Variants in TRPV3 observed in about 807,000 individuals in gnomAD.
The protein encoded by TRPV3 is transient receptor potential cation channel subfamily V member 3.
In TRPV3, 88 loss-of-function variants were observed where a neutral mutation model predicts 87.1. The ratio of observed to expected loss-of-function variants is 1.01; its 90% confidence interval spans 0.85 to 1.21. TRPV3 has a LOEUF of 1.21. Ranked by LOEUF, TRPV3 falls within the 50% of genes most tolerant of loss-of-function variation. The pLI is 0.00. For missense variants in TRPV3, 1,054 were observed against 1,030.1 expected, an observed-to-expected ratio of 1.02 and a Z score of -0.32; for synonymous variants, 438 against 423.3, an observed-to-expected ratio of 1.03 and a Z score of -0.43.
chr17:3,528,044 A>G lies in TRPV3; in HGVS notation c.1484T>C (p.Met495Thr). 2 of 1,613,702 alleles carry G rather than the reference A, an allele frequency of 1.2e-6. No homozygotes were observed. The highest frequency in any genetic ancestry group is 1.7e-6 in the Non-Finnish European group (2 of 1,179,934). Residue 495 changes from methionine (M) to threonine (T), a missense_variant, in exon 11 of 18, where the codon ATG (methionine) becomes ACG (threonine). Physicochemically the swap from Met to Thr is moderately conservative, Grantham distance 81. Coordinates refer to ENST00000576742, the MANE Select transcript of TRPV3 (RefSeq NM_145068.4). This position sits in a 1 kb window ranked among gnomAD's most constrained non-coding sequence, Gnocchi z 4.2. ...ACTTACCTCTTTCACAGAGATGCAC[A>G]TGGCCCAGATGAGCACAAACATCCT... Reference protein sequence around the residue: ...LGRMFVLIWAMCISVKEGIAI... With the variant: ...LGRMFVLIWATCISVKEGIAI...
chr17:3,550,338 G>A (rs1254741274), intron 2 of TRPV3, among the ~76,000 whole-genome samples: 1 of 151,880 alleles, frequency 6.6e-6, no homozygotes, highest in African/African-American at 2.4e-5. Context: ...CCCAAAGATG[G>A]TCCAGAAAGC....
chr17:3,527,857 T>C, intron 11 of TRPV3, 168 bp downstream of exon 11: 2 of 613,946 alleles, frequency 3.3e-6, no homozygotes, highest in South Asian at 3.8e-5. Flanking sequence ...GTAGGTAGGA[T>C]AGGCCAGCCT....
chr17:3,523,084 G>A (rs943518119), intron 13 of TRPV3, among the ~76,000 whole-genome samples: 5 of 152,098 alleles, frequency 3.3e-5, no homozygotes, highest in Admixed American at 6.5e-5. Context: ...GAGATTGATT[G>A]ACTCATTGTT....
intron 9 of TRPV3, among the ~76,000 whole-genome samples, 157 bp from the exon 10 acceptor site, chr17:3,529,152 C>T (rs559485259): frequency 8.5e-5 from 13 of 152,150 alleles, no homozygotes; most frequent in East Asian, 1.9e-4. Flanking sequence ...GGGTGATTTC[C>T]GGCTCCTGAG....
chr17:3,519,192 G>C (rs984265139), intron 14 of TRPV3, among the ~76,000 whole-genome samples: 8 of 152,214 alleles, frequency 5.3e-5, no homozygotes, highest in African/African-American at 9.6e-5. Context: ...CCTCTAGCCT[G>C]GGTCACCTCC....
chr17:3,527,968 A>C, intron 11 of TRPV3, 57 bp downstream of exon 11: 1 of 1,334,512 alleles, frequency 7.5e-7, no homozygotes. Context: ...AGAGGGATGG[A>C]GGCTGTCACC....
intron 14 of TRPV3, among the ~76,000 whole-genome samples, chr17:3,519,606 A>C (rs1278359364): frequency 1.7e-5 from 1 of 59,286 alleles, no homozygotes; most frequent in Non-Finnish European, 5.3e-5. Flanking sequence ...GGATGACTGG[A>C]TGGATGGATG....
At position 3,536,337 on chromosome 17, in the gene TRPV3, C is replaced by G. The variant is rs562315232; in HGVS notation, c.644-624G>C. ...GAAGGAAATGATGAGGCCTGTAATC[C>G]CAGCACACTGGGAGGCCAAAGCAGG... On this transcript the variant is annotated intron_variant, in intron 6 of 17. Coordinates refer to ENST00000576742, the MANE Select transcript of TRPV3 (RefSeq NM_145068.4). 1.9e-4 allele frequency among the ~76,000 whole-genome samples: 29 copies of G among 152,170 alleles called. No homozygotes were observed. The South Asian group carries it at 4.8e-3, about 25-fold the overall frequency.
chr17:3,533,341 C>T (rs2074368191), intron 7 of TRPV3, among the ~76,000 whole-genome samples: 1 of 152,210 alleles, frequency 6.6e-6, no homozygotes, highest in African/African-American at 2.4e-5. Context: ...TCGGCTGTCC[C>T]CTCTGCCTGT....
chr17:3,544,923 A>G (rs2074509607), intron 3 of TRPV3, among the ~76,000 whole-genome samples: 1 of 152,202 alleles, frequency 6.6e-6, no homozygotes, highest in Non-Finnish European at 1.5e-5. Context: ...CTGAGGCAGG[A>G]GAATCGCTTA....
rs760249844 is a variant in TRPV3 at position 3,545,158 on chromosome 17, C to G, written c.224+9G>C. The G allele has an allele frequency of 3.7e-6, 6 of 1,608,770 alleles. No homozygotes were observed. The highest frequency in any genetic ancestry group is 1.6e-4 in the Middle Eastern group (1 of 6,066). On this transcript the variant is annotated intron_variant, in intron 3 of 17. Transcript: ENST00000576742. ...CAGGGCAAGGGGTTGGGCTGGGGCCCGTACTCACCACTGCCGGATGTTGGA... is the reference window on the plus strand; with the variant it reads ...CAGGGCAAGGGGTTGGGCTGGGGCCGGTACTCACCACTGCCGGATGTTGGA...
intron 15 of TRPV3, among the ~76,000 whole-genome samples, 168 bp from the exon 16 acceptor site, chr17:3,516,737 G>A (rs1168815970): frequency 2.0e-5 from 3 of 152,246 alleles, no homozygotes; most frequent in Admixed American, 6.5e-5. Context: ...GGCCGGGCAC[G>A]GTGGCTCACA....
rs1306030211 is a variant in TRPV3, at chr17:3,516,359, G to A, written c.2198+98C>T. 7 of 929,054 alleles carry A rather than the reference G, an allele frequency of 7.5e-6. No homozygotes were observed. In the African/African-American group the frequency reaches 9.7e-5, roughly 13 times the overall value. 57.6% of individuals were successfully genotyped at this position (929,054 alleles called of 1,614,324 possible). On this transcript the variant is annotated intron_variant, in intron 16 of 17. Coordinates refer to ENST00000576742, the MANE Select transcript of TRPV3 (RefSeq NM_145068.4). ...GAGACAGTAGCTGTGGTTATGGTTA[G>A]CAAGTGGCGGCACTGTTTCTCTAAC...
Position 3,528,862 on chromosome 17 carries a change from G to C in TRPV3, c.1376C>G (p.Ser459Trp). 2 of 1,614,192 alleles carry C rather than the reference G, an allele frequency of 1.2e-6. No homozygotes were observed. Among genetic ancestry groups the C allele is most frequent in the Non-Finnish European group, 1.7e-6 (2 of 1,180,022 alleles). ...CTCCTCCTCCCGGGGGCGGTAGTAC[G>C]AGACGAGGGTCAGGGTGATGTTGTA... ...FFYNITLTLV[S>W]YYRPREEEAI... Residue 459 changes from serine (S) to tryptophan (W), a missense_variant, in exon 10 of 18, where the codon TCG (serine) becomes TGG (tryptophan). Physicochemically the swap from Ser to Trp is radical, Grantham distance 177. Transcript: ENST00000576742. The surrounding 1 kb of genome is among the most constrained non-coding windows in gnomAD (Gnocchi z 4.2).
chr17:3,532,698 G>A lies in TRPV3; in HGVS notation c.1024C>T (p.Leu342Phe). 1 of 1,614,252 alleles carries A rather than the reference G, an allele frequency of 6.2e-7. No individual in the cohort carries two copies. Residue 342 changes from leucine (L) to phenylalanine (F), a missense_variant, in exon 8 of 18, where the codon CTC (leucine) becomes TTC (phenylalanine). By Grantham distance (22) the Leu-to-Phe change is conservative. Coordinates refer to ENST00000576742, the MANE Select transcript of TRPV3 (RefSeq NM_145068.4). The stretch of plus-strand genomic sequence containing the variant: ...TTGGCGGCCAGCTGCAGCGGCGTGA[G>A]GCCATCGTTGTTGCGAGTGGTCTCC... The part of the protein sequence containing the change: ...ELETTRNNDG[L>F]TPLQLAAKMG...
intron 5 of TRPV3, 143 bp downstream of exon 5, chr17:3,543,331 C>A: frequency 9.3e-7 from 1 of 1,080,964 alleles, no homozygotes; most frequent in Non-Finnish European, 1.3e-6. Context: ...CCATTCTCCT[C>A]GGAGTCAAGT....
intron 6 of TRPV3, among the ~76,000 whole-genome samples, chr17:3,538,761 T>A (rs2074431214): frequency 6.6e-6 from 1 of 152,016 alleles, no homozygotes; most frequent in Non-Finnish European, 1.5e-5. Context: ...GTTTTTGTAT[T>A]TTTAGTAGAG....
intron 7 of TRPV3, among the ~76,000 whole-genome samples, chr17:3,533,289 C>G (rs755900055): frequency 6.6e-6 from 1 of 152,174 alleles, no homozygotes; most frequent in Non-Finnish European, 1.5e-5. Context: ...GCTACAACGG[C>G]CTTTTTCCAC....
At chr17:3,523,546 CTG>C (rs2074265198) in intron 13 of TRPV3, among the ~76,000 whole-genome samples, 1 of 152,038 alleles carries the variant, frequency 6.6e-6, no homozygotes, top group Admixed American at 6.6e-5. Context: ...TGCTGAAACC[CTG>C]TCTCTACTAA....
Sources: allele counts gnomAD v4.1 joint callset (sites outside exome capture counted in the v4.1 genomes callset), GRCh38; gene constraint gnomAD v4.1.1; non-coding constraint Gnocchi (gnomAD v3.1); transcripts MANE v1.5; gene names NCBI Gene and HGNC (gene_info 2026-07-23, HGNC 2026-07-21).